NDUFV2: variants seen among roughly 807,000 people sequenced by gnomAD.
NDUFV2 encodes NADH:ubiquinone oxidoreductase core subunit V2.
Under a neutral mutation model 31.6 loss-of-function variants are expected in NDUFV2, and 18 were observed. The observed-to-expected ratio is 0.57, with a 90% confidence interval of 0.39 to 0.84. NDUFV2 has a LOEUF of 0.84. Ranked by LOEUF, NDUFV2 falls within the 40% of genes least tolerant of loss-of-function variation. The pLI is 0.00. For missense variants in NDUFV2, 314 were observed against 303.6 expected, an observed-to-expected ratio of 1.03 and a Z score of -0.26; for synonymous variants, 83 against 99.8, an observed-to-expected ratio of 0.83 and a Z score of 1.01.
chr18:9,110,126 A>AG (rs57810548), intron 1 of NDUFV2, among the ~76,000 whole-genome samples: 9,875 of 151,972 alleles, frequency 0.065, 341 homozygotes, highest in Non-Finnish European at 0.079. Flanking sequence ...TACTCAAAGA[A>AG]GGGGGTGGGT....
intron 7 of NDUFV2, among the ~76,000 whole-genome samples, chr18:9,131,438 TTAC>T (rs1051675318): frequency 1.3e-5 from 2 of 152,246 alleles, no homozygotes; most frequent in African/African-American, 2.4e-5. Context: ...TGTTTTCAGG[TTAC>T]TAATAGGTAG....
Position 9,117,915 on chromosome 18 carries a change from C to A in NDUFV2, c.120+12C>A. On this transcript the variant is annotated intron_variant, in intron 2 of 7. Transcript: ENST00000318388. ...GAGCTTTATTTGTGGTAAGTAATTA[C>A]TTAGATTTCTTTGGAAAGAAAAGAC... 6.4e-7 allele frequency: 1 copy of A among 1,558,278 alleles called. No homozygotes were observed. Among genetic ancestry groups the A allele is most frequent in the Non-Finnish European group, 8.9e-7 (1 of 1,129,528 alleles).
intron 1 of NDUFV2, among the ~76,000 whole-genome samples, chr18:9,114,306 G>A (rs566607315): frequency 2.0e-5 from 3 of 152,100 alleles, no homozygotes; most frequent in African/African-American, 7.2e-5. Flanking sequence ...TTATACATAT[G>A]GATATAAAGA....
chr18:9,104,070 C>T, intron 1 of NDUFV2: 1 of 1,404,582 alleles, frequency 7.1e-7, no homozygotes, highest in Non-Finnish European at 9.9e-7. Context: ...ATAGGGTCAT[C>T]CAATGTGGTT....
Position 9,126,844 on chromosome 18 carries a change from C to CT in NDUFV2, c.594dup (p.Lys199Ter). ...TTTTTTTTCCAGGAGGATTTGACAG[C>CT]TAAGGATATTGAAGAAATTATTGAT... On this transcript the variant is annotated frameshift_variant, in exon 7 of 8. Transcript: ENST00000318388. LOFTEE classifies it high-confidence loss of function. 1.2e-6 allele frequency: 2 copies of CT among 1,613,164 alleles called. No homozygotes were observed. Among genetic ancestry groups the CT allele is most frequent in the South Asian group, 1.1e-5 (1 of 90,960 alleles).
rs532605501 is a variant in NDUFV2 at position 9,122,363 on chromosome 18, T to G, written c.301-150T>G. On this transcript the variant is annotated intron_variant, in intron 4 of 7. Transcript: ENST00000318388. ...AAATTGAAGAGTTTATATCTCCCAG[T>G]TATCCAAGACAAGTATGTTTTCTGC... 7 of 688,706 alleles carry G rather than the reference T, an allele frequency of 1.0e-5. No homozygotes were observed. The East Asian group carries it at 2.0e-4, about 19-fold the overall frequency. 42.7% of individuals were successfully genotyped at this position (688,706 alleles called of 1,614,324 possible).
intron 1 of NDUFV2, among the ~76,000 whole-genome samples, chr18:9,109,449 G>A (rs2077858642): frequency 6.6e-6 from 1 of 152,184 alleles, no homozygotes; most frequent in African/African-American, 2.4e-5. Flanking sequence ...ATGTCTGATA[G>A]AACTGAAAAG....
chr18:9,129,156 G>A (rs1458919805), intron 7 of NDUFV2, among the ~76,000 whole-genome samples: 2 of 152,294 alleles, frequency 1.3e-5, no homozygotes, highest in South Asian at 4.1e-4. Flanking sequence ...GGCCAGGGTG[G>A]TCTCGAACTC....
chr18:9,119,900 T>G (rs1425803589), intron 4 of NDUFV2, among the ~76,000 whole-genome samples: 1 of 152,124 alleles, frequency 6.6e-6, no homozygotes, highest in Admixed American at 6.5e-5. Context: ...TGTCAAGATA[T>G]TCTGAAAATT....
chr18:9,116,357 CTT>C, intron 1 of NDUFV2, among the ~76,000 whole-genome samples: 1 of 7,234 alleles, frequency 1.4e-4, no homozygotes, highest in Non-Finnish European at 4.3e-4. Context: ...AAAATTAATC[CTT>C]TTATTATAAG....
At chr18:9,118,317 G>A (rs188207137) in intron 2 of NDUFV2, among the ~76,000 whole-genome samples, 15 of 152,112 alleles carry the variant, frequency 9.9e-5, no homozygotes, top group Admixed American at 4.6e-4. Flanking sequence ...TTTAGTTTCC[G>A]GAGTTTTAAC....
At position 9,123,582 on chromosome 18, in the gene NDUFV2, C is replaced by A. The variant is rs185333015; in HGVS notation, c.469+901C>A. ...CTCACTGCAGCCTCCAATTCCTGGG[C>A]TCAAGTGATCTTCTGCCTCACCCTT... On this transcript the variant is annotated intron_variant, in intron 5 of 7. Transcript: ENST00000318388. Among the ~76,000 whole-genome samples the A allele has an allele frequency of 9.1e-4, 138 of 152,076 alleles. 1 individual carries two copies. In the East Asian group the frequency reaches 0.018, roughly 20 times the overall value.
intron 7 of NDUFV2, among the ~76,000 whole-genome samples, chr18:9,128,332 A>AAT (rs1384438845): frequency 2.6e-5 from 4 of 152,372 alleles, no homozygotes; most frequent in East Asian, 3.9e-4. Context: ...AACTACTAAT[A>AAT]ATACCCTACT....
intron 1 of NDUFV2, 44 bp downstream of exon 1, chr18:9,102,841 C>T: frequency 1.3e-6 from 2 of 1,529,810 alleles, no homozygotes; most frequent in Non-Finnish European, 1.8e-6. Flanking sequence ...CCGCCCTTCT[C>T]TTGCTCTCCG....
intron 1 of NDUFV2, among the ~76,000 whole-genome samples, chr18:9,116,569 A>G (rs1306728380): frequency 2.0e-5 from 3 of 152,120 alleles, no homozygotes; most frequent in Non-Finnish European, 4.4e-5. Context: ...CTGCCTTCCA[A>G]TTATCCTGAA....
At chr18:9,132,372 A>G (rs920429782) in intron 7 of NDUFV2, 4 of 152,184 alleles carry the variant, frequency 2.6e-5, no homozygotes. Flanking sequence ...GCTTTAAGAT[A>G]ACAAATGCTC....
intron 1 of NDUFV2, chr18:9,103,333 C>G (rs1228289937): frequency 5.1e-6 from 2 of 392,034 alleles, no homozygotes; most frequent in African/African-American, 4.1e-5. Context: ...CGGTATCAAA[C>G]TAACTCTGAA....
At chr18:9,104,281 C>T (rs1401948656) in intron 1 of NDUFV2, 12 of 1,612,014 alleles carry the variant, frequency 7.4e-6, no homozygotes, top group Non-Finnish European at 1.0e-5. Context: ...TATTGGAGCT[C>T]CTGGCGTGCC....
chr18:9,112,471 T>G (rs2077876466), intron 1 of NDUFV2: 2 of 152,222 alleles, frequency 1.3e-5, no homozygotes, highest in African/African-American at 4.8e-5. Context: ...ACTAAAGACT[T>G]CATTGGGTTT....
Sources: allele counts gnomAD v4.1 joint callset (sites outside exome capture counted in the v4.1 genomes callset), GRCh38; gene constraint gnomAD v4.1.1; transcripts MANE v1.5; gene names NCBI Gene and HGNC (gene_info 2026-07-23, HGNC 2026-07-21).